MBNL1: variants seen among roughly 807,000 people sequenced by gnomAD.
MBNL1 encodes muscleblind-like protein 1.
A neutral mutation model predicts 42.2 loss-of-function variants in MBNL1; 8 were observed. The observed-to-expected ratio is 0.19, with a 90% CI of 0.11 to 0.34. The LOEUF (loss-of-function observed/expected upper bound fraction) is 0.34, where lower values mean the gene tolerates loss of function less well. Among genes scored for constraint, MBNL1 ranks in the 10% least tolerant of loss-of-function variants. The pLI is 1.00. For synonymous variants in MBNL1, 169 were observed against 173.9 expected, an observed-to-expected ratio of 0.97 and a Z score of 0.22; for missense variants, 309 against 495.3, an observed-to-expected ratio of 0.62 and a Z score of 3.57.
chr3:152,372,966 G>T (rs2096736678), intron 2 of MBNL1, among the ~76,000 whole-genome samples: 1 of 152,318 alleles, frequency 6.6e-6, no homozygotes, highest in South Asian at 2.1e-4. Flanking sequence ...CCTGACTGGG[G>T]CTGCTGCCTT....
chr3:152,251,700 G>A (rs1288774891), intron 2 of MBNL1, among the ~76,000 whole-genome samples: 2 of 151,920 alleles, frequency 1.3e-5, no homozygotes, highest in Non-Finnish European at 2.9e-5. Flanking sequence ...CCTCATAGGT[G>A]ATGTTGTTTC....
intron 2 of MBNL1, among the ~76,000 whole-genome samples, chr3:152,249,473 T>G (rs2034067645): frequency 9.5e-6 from 1 of 104,784 alleles, no homozygotes; most frequent in African/African-American, 3.0e-5. Flanking sequence ...TTGTTTGTTT[T>G]TTTCTTGTAA....
Position 152,295,798 on chromosome 3 carries a change from T to C in MBNL1, c.-789-3607T>C, listed in dbSNP as rs1450265017. ...TGTCAAACCAAACAGGGAGTTAGCA[T>C]GTAACAAGTCCCAGGAGCTCACACA... On this transcript the variant is annotated intron_variant, in intron 1 of 9. Transcript: ENST00000324210. Among the ~76,000 whole-genome samples the C allele has an allele frequency of 3.3e-5, 5 of 152,200 alleles. No individual in the cohort carries two copies. The East Asian group carries it at 9.6e-4, about 29-fold the overall frequency.
chr3:152,404,279 A>G (rs1047083909), intron 2 of MBNL1, among the ~76,000 whole-genome samples: 2 of 152,198 alleles, frequency 1.3e-5, no homozygotes, highest in Non-Finnish European at 2.9e-5. Flanking sequence ...AGTTTAGAAA[A>G]TTATTTAAGC....
intron 2 of MBNL1, among the ~76,000 whole-genome samples, chr3:152,355,702 T>C (rs2095467008): frequency 6.6e-6 from 1 of 152,222 alleles, no homozygotes; most frequent in African/African-American, 2.4e-5. Flanking sequence ...TTATTACATA[T>C]AGTCCAAAAT....
chr3:152,248,937 G>A (rs1254320305), intron 2 of MBNL1, among the ~76,000 whole-genome samples: 2 of 151,948 alleles, frequency 1.3e-5, no homozygotes, highest in East Asian at 3.9e-4. Context: ...TCCCTGCAAA[G>A]GACATGAACT....
At chr3:152,306,042 G>A (rs2062950217) in intron 2 of MBNL1, among the ~76,000 whole-genome samples, 1 of 152,140 alleles carries the variant, frequency 6.6e-6, no homozygotes, top group Admixed American at 6.5e-5. Context: ...TAATTTGGTT[G>A]ACAGGCTGTT....
chr3:152,341,920 A>C (rs1043097148), intron 2 of MBNL1, among the ~76,000 whole-genome samples: 5 of 152,240 alleles, frequency 3.3e-5, no homozygotes, highest in Admixed American at 6.5e-5. Flanking sequence ...TCACTGAATC[A>C]GAATTATTCA....
At chr3:152,340,815 A>T (rs770880559) in intron 2 of MBNL1, 1 of 1,614,020 alleles carries the variant, frequency 6.2e-7, no homozygotes, top group Non-Finnish European at 8.5e-7. Context: ...CTACTTTTGC[A>T]TAACCACTGA....
At chr3:152,407,095 C>A (rs751217416) in intron 2 of MBNL1, among the ~76,000 whole-genome samples, 15 of 130,494 alleles carry the variant, frequency 1.1e-4, no homozygotes, top group Admixed American at 7.9e-5. Context: ...TTCACAGGAC[C>A]AGGAAAGGGG....
chr3:152,266,884 C>G (rs1296908855), upstream of MBNL1: 1 of 152,322 alleles, frequency 6.6e-6, no homozygotes, highest in Non-Finnish European at 1.5e-5. Flanking sequence ...CAGGAACTTT[C>G]TGCAATACAA....
intron 2 of MBNL1, among the ~76,000 whole-genome samples, chr3:152,357,072 A>G (rs959122263): frequency 6.6e-6 from 1 of 152,152 alleles, no homozygotes; most frequent in Non-Finnish European, 1.5e-5. Context: ...CATTTTCTCA[A>G]CAGAGATCAT....
At chr3:152,317,563 A>C in intron 2 of MBNL1, among the ~76,000 whole-genome samples, 1 of 151,770 alleles carries the variant, frequency 6.6e-6, no homozygotes, top group South Asian at 2.1e-4. Flanking sequence ...CAAGCGATCC[A>C]CCCACCTTGG....
intron 2 of MBNL1, among the ~76,000 whole-genome samples, chr3:152,323,310 T>C (rs924552217): frequency 2.6e-5 from 4 of 152,122 alleles, no homozygotes; most frequent in Non-Finnish European, 5.9e-5. Context: ...GACTTATTCA[T>C]TCAACAATAT....
At chr3:152,397,810 C>T (rs2098041072) in intron 2 of MBNL1, among the ~76,000 whole-genome samples, 1 of 152,136 alleles carries the variant, frequency 6.6e-6, no homozygotes, top group South Asian at 2.1e-4. Context: ...CTTCCCCCCA[C>T]CATAAACCAG....
chr3:152,412,789 A>G (rs1345142198), intron 2 of MBNL1, among the ~76,000 whole-genome samples: 1 of 152,190 alleles, frequency 6.6e-6, no homozygotes, highest in Non-Finnish European at 1.5e-5. Flanking sequence ...TAGTGTTGGA[A>G]GGTCTGGTTC....
chr3:152,445,821 C>G (rs1043641148), intron 5 of MBNL1, among the ~76,000 whole-genome samples: 3 of 152,138 alleles, frequency 2.0e-5, no homozygotes, highest in East Asian at 3.9e-4. Flanking sequence ...CACCTGTCTC[C>G]TTTTCAACTT....
At chr3:152,403,815 C>T (rs1191378473) in intron 2 of MBNL1, among the ~76,000 whole-genome samples, 1 of 151,986 alleles carries the variant, frequency 6.6e-6, no homozygotes, top group African/African-American at 2.4e-5. Context: ...TCTTTCCCCT[C>T]GCTGCTGCCT....
chr3:152,287,187 C>T (rs1419114451), intron 1 of MBNL1, among the ~76,000 whole-genome samples: 3 of 146,930 alleles, frequency 2.0e-5, no homozygotes, highest in Non-Finnish European at 4.5e-5. Flanking sequence ...TGCACTCCAG[C>T]GTGGGTGACA....
Sources: allele counts gnomAD v4.1 joint callset (sites outside exome capture counted in the v4.1 genomes callset), GRCh38; gene constraint gnomAD v4.1.1; transcripts MANE v1.5; gene names NCBI Gene and HGNC (gene_info 2026-07-23, HGNC 2026-07-21).